Variants in AKAP12 observed in about 807,000 individuals in gnomAD.
AKAP12 encodes A-kinase anchor protein 12.
A neutral mutation model predicts 79.9 loss-of-function variants in AKAP12; 32 were observed. The observed-to-expected ratio is 0.40, with a 90% CI of 0.30 to 0.54. The LOEUF (loss-of-function observed/expected upper bound fraction) is 0.54. Among genes scored for constraint, AKAP12 ranks in the 20% least tolerant of loss-of-function variants. The probability of loss-of-function intolerance (pLI) is 0.48; values close to 1 mark genes in which losing one functional copy is unlikely to be tolerated. For synonymous variants in AKAP12, 808 were observed against 857.0 expected (o/e 0.94, Z 1.00); for missense variants, 2,074 against 2,177.0 (o/e 0.95, Z 0.94).
chr6:151,353,579 A>G lies in AKAP12; in HGVS notation c.5188A>G (p.Thr1730Ala). Residue 1730 changes from threonine to alanine, a missense_variant, in exon 4 of 5, where the codon ACA (threonine) becomes GCA (alanine). This residue lies in a region of AKAP12 where 614 missense variants were observed against 665.6 expected (regional missense o/e 0.92). Transcript: ENST00000402676. ...SGGLTKESPD[T>A]NGPKQKEKED... ...AGGCTTAACCAAAGAGTCCCCAGAT[A>G]CAAATGGACCAAAACAAAAAGAGAA... 1.2e-6 allele frequency: 2 copies of G among 1,614,198 alleles called. No homozygotes were observed. Among genetic ancestry groups the G allele is most frequent in the African/African-American group, 1.3e-5 (1 of 75,040 alleles).
intron 2 of AKAP12, among the ~76,000 whole-genome samples, chr6:151,275,168 G>A (rs1333798474): frequency 1.3e-5 from 2 of 151,994 alleles, no homozygotes; most frequent in East Asian, 3.9e-4. Flanking sequence ...ATGTGATAAC[G>A]TGGTGACACT....
rs561806311 is a variant in AKAP12 at position 151,325,834 on chromosome 6, C to A, written c.319+19931C>A. ...GAGGGCAGGGACCCGCTAAGCTGAT[C>A]TCCTGTACAGTAGTGCTACTTAAAA... On this transcript the variant is annotated intron_variant, in intron 3 of 4. Coordinates refer to ENST00000402676, the MANE Select transcript of AKAP12 (RefSeq NM_005100.4). The A allele has an allele frequency of 1.1e-5, 17 of 1,614,130 alleles. 1 individual carries two copies. The African/African-American group carries it at 1.3e-4, about 13-fold the overall frequency.
intron 3 of AKAP12, among the ~76,000 whole-genome samples, chr6:151,347,188 C>T (rs1279633558): frequency 6.6e-6 from 1 of 152,214 alleles, no homozygotes; most frequent in African/African-American, 2.4e-5. Context: ...CTTTTGACAC[C>T]TCCATCAGCT....
At chr6:151,260,066 T>G (rs189843669) in intron 2 of AKAP12, among the ~76,000 whole-genome samples, 82 of 152,300 alleles carry the variant, frequency 5.4e-4, no homozygotes, top group Middle Eastern at 3.4e-3. Context: ...GAGAATCAAC[T>G]AATAAAGAAT....
intron 2 of AKAP12, among the ~76,000 whole-genome samples, chr6:151,305,255 A>C (rs1006066590): frequency 1.3e-5 from 2 of 151,734 alleles, no homozygotes; most frequent in African/African-American, 4.8e-5. Flanking sequence ...CTCCTTCATG[A>C]CAGTTTCCAC....
At chr6:151,253,742 C>T (rs560563730) in intron 2 of AKAP12, among the ~76,000 whole-genome samples, 33 of 152,032 alleles carry the variant, frequency 2.2e-4, no homozygotes, top group African/African-American at 7.2e-4. Context: ...GAGGCAGAGT[C>T]CTGCTCTGTT....
At chr6:151,278,872 T>A (rs1453068600) in intron 2 of AKAP12, among the ~76,000 whole-genome samples, 1 of 151,818 alleles carries the variant, frequency 6.6e-6, no homozygotes, top group Non-Finnish European at 1.5e-5. Flanking sequence ...TTTCACCGTG[T>A]TAGCCAGGAT....
chr6:151,252,469 T>C (rs567010321), intron 2 of AKAP12, among the ~76,000 whole-genome samples: 1 of 152,128 alleles, frequency 6.6e-6, no homozygotes, highest in Non-Finnish European at 1.5e-5. Flanking sequence ...GTGCTGGGAT[T>C]ACAGGCATGA....
chr6:151,313,534 A>C (rs891188684), intron 3 of AKAP12, among the ~76,000 whole-genome samples: 9 of 152,186 alleles, frequency 5.9e-5, no homozygotes, highest in African/African-American at 1.7e-4. Flanking sequence ...GTCATTGACA[A>C]ATTTCTGGTC....
At chr6:151,303,661 G>A (rs566491207) in intron 2 of AKAP12, among the ~76,000 whole-genome samples, 2 of 152,312 alleles carry the variant, frequency 1.3e-5, no homozygotes, top group East Asian at 3.9e-4. Flanking sequence ...GTGCAGAGTT[G>A]AGATTGCTTT....
At chr6:151,333,667 C>G (rs924211429) in intron 3 of AKAP12, among the ~76,000 whole-genome samples, 1 of 150,354 alleles carries the variant, frequency 6.7e-6, no homozygotes, top group African/African-American at 2.5e-5. Context: ...TGCTTGAACC[C>G]GGGAGGTGGA....
At chr6:151,265,075 C>T (rs564032757) in intron 2 of AKAP12, among the ~76,000 whole-genome samples, 2 of 151,594 alleles carry the variant, frequency 1.3e-5, no homozygotes, top group Middle Eastern at 6.8e-3. Context: ...TGCTTGAACC[C>T]AGGAGGTGGA....
chr6:151,346,218 A>G (rs998465361), intron 3 of AKAP12, among the ~76,000 whole-genome samples: 1 of 152,160 alleles, frequency 6.6e-6, no homozygotes, highest in Non-Finnish European at 1.5e-5. Context: ...ATTTAACACA[A>G]TACATCTCCC....
At chr6:151,325,660 A>G in intron 3 of AKAP12, 3 of 1,409,486 alleles carry the variant, frequency 2.1e-6, no homozygotes, top group Non-Finnish European at 2.8e-6. Flanking sequence ...TATCTGGGGA[A>G]ATGCATCCGC....
At chr6:151,257,167 G>A (rs886317741) in intron 2 of AKAP12, among the ~76,000 whole-genome samples, 5 of 152,028 alleles carry the variant, frequency 3.3e-5, no homozygotes, top group East Asian at 1.9e-4. Context: ...GGTGCTGAGC[G>A]TAGTACCTAA....
Position 151,353,616 on chromosome 6 carries a change from A to G in AKAP12, c.5225A>G (p.Gln1742Arg), listed in dbSNP as rs895302580. 5 of 1,614,196 alleles carry G rather than the reference A, an allele frequency of 3.1e-6. No individual in the cohort carries two copies. Among genetic ancestry groups the G allele is most frequent in the Middle Eastern group, 1.6e-4 (1 of 6,062 alleles). The change falls in exon 4 of 5, where the codon CAG becomes CGG. Residue 1742 changes from glutamine (Q) to arginine (R), a missense_variant. Coordinates refer to ENST00000402676, the MANE Select transcript of AKAP12 (RefSeq NM_005100.4). Reference protein sequence around the residue: ...GPKQKEKEDAQEVELQEGKVH... With the variant: ...GPKQKEKEDAREVELQEGKVH... ...AAACAAAAAGAGAAGGAGGATGCCCAGGAAGTAGAATTGCAGGAAGGAAAA... is the reference window on the plus strand; with the variant it reads ...AAACAAAAAGAGAAGGAGGATGCCCGGGAAGTAGAATTGCAGGAAGGAAAA...
Position 151,351,867 on chromosome 6 carries a change from C to T in AKAP12, c.3476C>T (p.Pro1159Leu), listed in dbSNP as rs995236575. ...GAGATGGTGATGGAACAGGCTATCC[C>T]CCCTGACTCGGTGGAAACCCCTACA... ...SQEMVMEQAIPPDSVETPTDS... is the reference protein window; with the variant it reads ...SQEMVMEQAILPDSVETPTDS... Residue 1159 changes from proline to leucine, a missense_variant, in exon 4 of 5, where the codon CCC (proline) becomes CTC (leucine). Pro to Leu is a moderately conservative substitution (Grantham distance 98). This residue lies in a region of AKAP12 where 1,428 missense variants were observed against 1,451.0 expected (regional missense o/e 0.98). Transcript: ENST00000402676. The surrounding 1 kb of genome is among the most constrained non-coding windows in gnomAD (Gnocchi z 4.4). 1.9e-6 allele frequency: 3 copies of T among 1,613,878 alleles called. No individual in the cohort carries two copies. The highest frequency in any genetic ancestry group is 3.3e-5 in the Admixed American group (2 of 59,984).
intron 3 of AKAP12, chr6:151,323,824 T>G (rs1210134032): frequency 1.0e-6 from 1 of 985,262 alleles, no homozygotes; most frequent in African/African-American, 1.7e-5. Flanking sequence ...CAGACTCGAT[T>G]TCAGAAGTGG....
chr6:151,266,284 G>A (rs1002322999), intron 2 of AKAP12, among the ~76,000 whole-genome samples: 1 of 152,014 alleles, frequency 6.6e-6, no homozygotes, highest in Non-Finnish European at 1.5e-5. Context: ...TAAATTTTTT[G>A]ATCTTTACTT....
Sources: gnomAD v4.1 joint callset for allele counts (sites outside exome capture counted in the v4.1 genomes callset) on GRCh38, gnomAD v4.1.1 for gene constraint, gnomAD v4.1.1 regional missense constraint, Gnocchi (gnomAD v3.1) non-coding constraint, MANE v1.5 for transcripts, NCBI Gene and HGNC (gene_info 2026-07-23, HGNC 2026-07-21) for gene names.